The following TAF12 variants were observed in gnomAD, a reference collection of about 807,000 sequenced individuals.
TAF12 encodes the protein transcription initiation factor TFIID subunit 12.
In TAF12, 3 loss-of-function variants were observed where a neutral mutation model predicts 20.8. That is an observed-to-expected ratio of 0.14 (90% confidence interval 0.07 to 0.37). The LOEUF (loss-of-function observed/expected upper bound fraction) is 0.37. TAF12 is among the 10% of genes least tolerant of loss of function. The pLI is 1.00. For synonymous variants in TAF12, 69 were observed against 70.2 expected, an observed-to-expected ratio of 0.98 and a Z score of 0.09; for missense variants, 131 against 197.9, an observed-to-expected ratio of 0.66 and a Z score of 2.03.
chr1:28,631,046 A>C (rs1286719520), intron 1 of TAF12, among the ~76,000 whole-genome samples: 6 of 127,876 alleles, frequency 4.7e-5, no homozygotes, highest in African/African-American at 1.4e-4. Context: ...CTCCGTCTCC[A>C]AAAAAAAAAA....
chr1:28,638,787 ATTTTT>A (rs759099050), intron 1 of TAF12, among the ~76,000 whole-genome samples: 16 of 101,846 alleles, frequency 1.6e-4, no homozygotes, highest in Non-Finnish European at 2.4e-4. Context: ...CACCTGGCCT[ATTTTT>A]TTTTTTTTTT....
rs74065033 is a variant in TAF12 at position 28,611,108 on chromosome 1, G to A, written c.361+2139C>T. ...AAAAGGCCATGAAGTTTTCTGCCAGGTGCTCATGGGATGTTAGTTCTGGGA... is the reference window on the plus strand; with the variant it reads ...AAAAGGCCATGAAGTTTTCTGCCAGATGCTCATGGGATGTTAGTTCTGGGA... On this transcript the variant is annotated intron_variant, in intron 4 of 5. Transcript: ENST00000373824. 6.6e-4 allele frequency among the ~76,000 whole-genome samples: 100 copies of A among 152,112 alleles called. 2 individuals are homozygous for A. The highest frequency in any genetic ancestry group is 1.3e-3 in the Non-Finnish European group (91 of 67,988).
Position 28,630,509 on chromosome 1 carries a change from G to A in TAF12, c.-84-8344C>T, listed in dbSNP as rs573151619. ...GGAGGTTGCAGTGAGCTGAGATCACGCCACTGCACTCCAGCCTAGGTGACA... is the reference window on the plus strand; with the variant it reads ...GGAGGTTGCAGTGAGCTGAGATCACACCACTGCACTCCAGCCTAGGTGACA... On this transcript the variant is annotated intron_variant, in intron 1 of 5. Transcript: ENST00000373824. Among the ~76,000 whole-genome samples, 4 of 151,716 alleles carry A rather than the reference G, an allele frequency of 2.6e-5. 1 individual carries two copies. The highest frequency in any genetic ancestry group is 3.9e-4 in the East Asian group (2 of 5,112).
intron 2 of TAF12, 149 bp downstream of exon 2, chr1:28,621,765 A>G: frequency 8.0e-7 from 1 of 1,255,658 alleles, no homozygotes; most frequent in East Asian, 2.7e-5. Context: ...ATTAAAACAA[A>G]CAAAAAAAGT....
rs1666927931 is a variant in TAF12, at chr1:28,613,371, G to A, written c.247-10C>T. On this transcript the variant is annotated splice_polypyrimidine_tract_variant and intron_variant, in intron 3 of 5. Coordinates refer to ENST00000373824, the MANE Select transcript of TAF12 (RefSeq NM_005644.4). ...CAATCTGCAGCAGCATCTGGGGAAG[G>A]TAAAGTGGGAAGAGTCAGCACGACA... is the stretch of plus-strand genomic sequence containing the variant. 6.2e-7 allele frequency: 1 copy of A among 1,604,178 alleles called. No homozygotes were observed. Among genetic ancestry groups the A allele is most frequent in the Non-Finnish European group, 8.5e-7 (1 of 1,175,428 alleles).
At chr1:28,646,770 C>G (rs1668199895), upstream of TAF12, among the ~76,000 whole-genome samples, 1 of 149,984 alleles carries the variant, frequency 6.7e-6, no homozygotes, top group Non-Finnish European at 1.5e-5. Flanking sequence ...GCAATCTCGG[C>G]TCACCGCAAG....
At chr1:28,626,669 G>C (rs1053200052) in intron 1 of TAF12, among the ~76,000 whole-genome samples, 1 of 151,882 alleles carries the variant, frequency 6.6e-6, no homozygotes, top group Non-Finnish European at 1.5e-5. Flanking sequence ...AGTACTTTGG[G>C]AGACCGAGGC....
chr1:28,609,776 C>T (rs866325086), intron 4 of TAF12, among the ~76,000 whole-genome samples: 6 of 151,700 alleles, frequency 4.0e-5, no homozygotes, highest in Admixed American at 6.6e-5. Context: ...CGTGAGCCAC[C>T]GTGTCTGGCC....
At chr1:28,648,165 G>T (rs924689415) in intron 1 of TAF12, 10 of 985,210 alleles carry the variant, frequency 1.0e-5, no homozygotes, top group African/African-American at 7.0e-5. Context: ...TTTCAATTTG[G>T]ATAGGTTGTG....
intron 1 of TAF12, among the ~76,000 whole-genome samples, chr1:28,627,096 A>G (rs1009762459): frequency 2.6e-5 from 4 of 152,118 alleles, no homozygotes; most frequent in Non-Finnish European, 5.9e-5. Flanking sequence ...CTTTAATGAA[A>G]TAAGTGGAGG....
chr1:28,612,530 A>G (rs1012674829), intron 4 of TAF12, among the ~76,000 whole-genome samples: 1 of 146,274 alleles, frequency 6.8e-6, no homozygotes, highest in Non-Finnish European at 1.5e-5. Context: ...AATATATATA[A>G]ATTATATATA....
At chr1:28,606,121 C>T (rs1409648901) in intron 4 of TAF12, among the ~76,000 whole-genome samples, 2 of 152,126 alleles carry the variant, frequency 1.3e-5, no homozygotes, top group Admixed American at 1.3e-4. Flanking sequence ...GCCTCAGACT[C>T]CCGAGTAGCT....
chr1:28,623,469 C>A lies in TAF12; in HGVS notation c.-84-1304G>T, dbSNP rs148411158. 8.0e-3 allele frequency among the ~76,000 whole-genome samples: 1,181 copies of A among 148,034 alleles called. 13 individuals carry two copies. Among genetic ancestry groups the A allele is most frequent in the African/African-American group, 0.029 (1,113 of 39,040 alleles). On this transcript the variant is annotated intron_variant, in intron 1 of 5. Transcript: ENST00000373824. ...TCGGGATGCAGAGGTTGACGAAACTCCATCTCAAATAATAATAAAAATAAA... is the reference window on the plus strand; with the variant it reads ...TCGGGATGCAGAGGTTGACGAAACTACATCTCAAATAATAATAAAAATAAA...
intron 4 of TAF12, among the ~76,000 whole-genome samples, chr1:28,607,250 G>A (rs902186340): frequency 6.6e-6 from 1 of 152,216 alleles, no homozygotes; most frequent in East Asian, 1.9e-4. Context: ...AAGTGACACT[G>A]GCCAGATGTG....
chr1:28,642,227 C>A (rs978975417), intron 1 of TAF12, among the ~76,000 whole-genome samples: 11 of 152,148 alleles, frequency 7.2e-5, no homozygotes, highest in African/African-American at 2.7e-4. Context: ...GAAAAGCTTG[C>A]CAAGAGCCAA....
intron 4 of TAF12, 93 bp from the exon 5 acceptor site, chr1:28,605,553 G>C (rs771713649): frequency 1.7e-6 from 2 of 1,171,642 alleles, no homozygotes; most frequent in Admixed American, 4.1e-5. Flanking sequence ...GGATGAATGT[G>C]GGCATCTGGC....
intron 2 of TAF12, among the ~76,000 whole-genome samples, chr1:28,618,661 C>A (rs1380525224): frequency 2.0e-5 from 3 of 151,294 alleles, no homozygotes; most frequent in African/African-American, 7.3e-5. Flanking sequence ...CTCTTCCTCT[C>A]TTCTTCCTTC....
At chr1:28,648,125 T>C (rs766516786) in intron 1 of TAF12, 123 of 981,458 alleles carry the variant, frequency 1.3e-4, no homozygotes, top group Non-Finnish European at 1.5e-4. Context: ...TGCTCCAAGG[T>C]GGTGGCTAGG....
chr1:28,617,183 G>A (rs1165526781), intron 3 of TAF12, among the ~76,000 whole-genome samples: 1 of 152,122 alleles, frequency 6.6e-6, no homozygotes, highest in Non-Finnish European at 1.5e-5. Flanking sequence ...ATATTACTTA[G>A]AAATATAGAA....
Sources: allele counts gnomAD v4.1 joint callset (sites outside exome capture counted in the v4.1 genomes callset), GRCh38; gene constraint gnomAD v4.1.1; transcripts MANE v1.5; gene names NCBI Gene and HGNC (gene_info 2026-07-23, HGNC 2026-07-21).